ATP8B2: variants seen among roughly 807,000 people sequenced by gnomAD.
ATP8B2 encodes phospholipid-transporting ATPase ID.
Under a neutral mutation model 133.4 loss-of-function variants are expected in ATP8B2, and 70 were observed. The ratio of observed to expected loss-of-function variants is 0.52; its 90% CI spans 0.43 to 0.64. The LOEUF (loss-of-function observed/expected upper bound fraction) is 0.64. Ranked by LOEUF, ATP8B2 falls within the 30% of genes least tolerant of loss-of-function variation. The pLI is 0.00. For synonymous variants in ATP8B2, 517 were observed against 589.5 expected, an observed-to-expected ratio of 0.88 and a Z score of 1.78; for missense variants, 1,101 against 1,535.7, an observed-to-expected ratio of 0.72 and a Z score of 4.73.
chr1:154,329,112 C>T (rs1685895376), intron 2 of ATP8B2: 1 of 1,228,994 alleles, frequency 8.1e-7, no homozygotes, highest in South Asian at 1.4e-5. Flanking sequence ...CTCCCGCACC[C>T]ATTATTTCCC....
chr1:154,334,812 A>G lies in ATP8B2; in HGVS notation c.837+221A>G, dbSNP rs901342581. Among the ~76,000 whole-genome samples, 1 of 152,146 alleles carries G rather than the reference A, an allele frequency of 6.6e-6. No homozygotes were observed. The highest frequency in any genetic ancestry group is 1.5e-5 in the Non-Finnish European group (1 of 68,024). On this transcript the variant is annotated intron_variant, in intron 11 of 27. Coordinates refer to ENST00000368489, the MANE Select transcript of ATP8B2 (RefSeq NM_001370597.1). The surrounding 1 kb of genome is among the most constrained non-coding windows in gnomAD (Gnocchi z 4.6). ...GTGCATGAATCAACAACTTAAAGCT[A>G]AAACAAATCATCCCTTCTCTGATTC...
At chr1:154,341,273 C>T in intron 13 of ATP8B2, 1 of 632,494 alleles carries the variant, frequency 1.6e-6, no homozygotes, top group Non-Finnish European at 2.8e-6. Flanking sequence ...TTGCTCGAGC[C>T]CAGGAATGCG....
In ATP8B2 at chr1:154,346,907, G is replaced by A. The variant is rs1686603980; in HGVS notation, c.3163+149G>A. ...TTTATTTATTTATTTTCGAGAAGGA[G>A]TCTTGCCCAGGCTGGAGTGCAGTGG... On this transcript the variant is annotated intron_variant, in intron 26 of 27. Coordinates refer to ENST00000368489, the MANE Select transcript of ATP8B2 (RefSeq NM_001370597.1). This position sits in a 1 kb window ranked among gnomAD's most constrained non-coding sequence, Gnocchi z 4.5. The A allele has an allele frequency of 2.9e-6, 3 of 1,022,630 alleles. No homozygotes were observed. The highest frequency in any genetic ancestry group is 4.0e-6 in the Non-Finnish European group (3 of 751,884). The allele number at this position is 1,022,630 out of a possible 1,614,324, so 63.3% of individuals were successfully genotyped here.
Position 154,342,955 on chromosome 1 carries a change from A to G in ATP8B2, c.1447A>G (p.Asn483Asp). Reference protein sequence around the residue: ...LCHTVMSEEKNEGELYYKAQS... With the variant: ...LCHTVMSEEKDEGELYYKAQS... ...TCATACTGTCATGTCAGAAGAAAAG[A>G]ACGAAGGTGGGCCGAGGAGCCGGCT... Residue 483 changes from asparagine to aspartate, a missense_variant, in exon 15 of 28, where the codon AAC becomes GAC. Physicochemically the swap from Asn to Asp is conservative, Grantham distance 23 (BLOSUM62 1). Coordinates refer to ENST00000368489, the MANE Select transcript of ATP8B2 (RefSeq NM_001370597.1). 6.2e-7 allele frequency: 1 copy of G among 1,614,032 alleles called. No individual in the cohort carries two copies. The highest frequency in any genetic ancestry group is 8.5e-7 in the Non-Finnish European group (1 of 1,179,972).
At chr1:154,327,922 G>A in intron 1 of ATP8B2, 183 bp from the exon 2 acceptor site, 2 of 1,572,046 alleles carry the variant, frequency 1.3e-6, no homozygotes, top group Non-Finnish European at 1.8e-6. Flanking sequence ...ATGATGGGAG[G>A]TGGTGGGGAA....
Position 154,343,084 on chromosome 1 carries a change from T to C in ATP8B2, c.1454-29T>C, listed in dbSNP as rs1414289197. The C allele has an allele frequency of 1.9e-6, 3 of 1,604,086 alleles. No individual in the cohort carries two copies. The highest frequency in any genetic ancestry group is 1.1e-5 in the South Asian group (1 of 89,772). On this transcript the variant is annotated intron_variant, in intron 15 of 27. Coordinates refer to ENST00000368489, the MANE Select transcript of ATP8B2 (RefSeq NM_001370597.1). The surrounding 1 kb of genome is among the most constrained non-coding windows in gnomAD (Gnocchi z 5.8). ...GCACGTGGCTGAGGGAAGCCACTTA[T>C]ATCACGTGTATTCTTCCTCCCCACC...
chr1:154,346,642 G>C lies in ATP8B2; in HGVS notation c.3047G>C (p.Trp1016Ser). 6.2e-7 allele frequency: 1 copy of C among 1,614,194 alleles called. No individual in the cohort carries two copies. The highest frequency in any genetic ancestry group is 1.3e-5 in the African/African-American group (1 of 75,040). The part of the protein sequence containing the change: ...SVQIGLDTGY[W>S]TAINHFFIWG... ...CAGATTGGGCTCGACACAGGCTACT[G>C]GACGGCCATCAACCACTTCTTCATC... Residue 1016 changes from tryptophan to serine, a missense_variant, in exon 26 of 28, where the codon TGG (tryptophan) becomes TCG (serine). By Grantham distance (177) the Trp-to-Ser change is radical. Coordinates refer to ENST00000368489, the MANE Select transcript of ATP8B2 (RefSeq NM_001370597.1). This position sits in a 1 kb window ranked among gnomAD's most constrained non-coding sequence, Gnocchi z 4.5.
rs751467371 is a variant in ATP8B2 at position 154,343,619 on chromosome 1, G to C, written c.1758+51G>C. ...GCCTGGGGGGTTCTACTCTTAGTGT[G>C]GGGGAGGCGACTTAAGTTTGTTTTA... On this transcript the variant is annotated intron_variant, in intron 17 of 27. Coordinates refer to ENST00000368489, the MANE Select transcript of ATP8B2 (RefSeq NM_001370597.1). This position sits in a 1 kb window ranked among gnomAD's most constrained non-coding sequence, Gnocchi z 5.8. 6.5e-7 allele frequency: 1 copy of C among 1,532,558 alleles called. No individual in the cohort carries two copies. The highest frequency in any genetic ancestry group is 9.0e-7 in the Non-Finnish European group (1 of 1,107,832). The allele number at this position is 1,532,558 out of a possible 1,614,324, so 94.9% of individuals were successfully genotyped here. A position where few individuals can be genotyped will look rare whatever the true frequency, so the allele number is the denominator to read the frequency against.
intron 1 of ATP8B2, among the ~76,000 whole-genome samples, chr1:154,326,565 T>A (rs1685798660): frequency 6.6e-6 from 1 of 152,050 alleles, no homozygotes; most frequent in African/African-American, 2.4e-5. Context: ...AGTTCCCAGG[T>A]CTCTCCTCTC....
chr1:154,340,764 C>T lies in ATP8B2; in HGVS notation c.1035-90C>T, dbSNP rs1686352590. 2 of 1,251,758 alleles carry T rather than the reference C, an allele frequency of 1.6e-6. No individual in the cohort carries two copies. Among genetic ancestry groups the T allele is most frequent in the Non-Finnish European group, 2.3e-6 (2 of 864,736 alleles). The allele number at this position is 1,251,758 out of a possible 1,614,324, so 77.5% of individuals were successfully genotyped here. On this transcript the variant is annotated intron_variant, in intron 12 of 27. Transcript: ENST00000368489. The surrounding 1 kb of genome is among the most constrained non-coding windows in gnomAD (Gnocchi z 4.0). ...GGTGTCTTCTCCGTTCTTGTCTCTC[C>T]CCAGGCGGAGGGCCTGCAGCGAAGG...
rs74115739 is a variant in ATP8B2 at position 154,326,448 on chromosome 1, G to C, written c.-38+746G>C. Reference sequence around the variant, plus strand: ...ATTTTTATCCCAAATGTGGCCGAGAGGGGGCTGGGGCTGGGTGACGGGGCA... The same window carrying C: ...ATTTTTATCCCAAATGTGGCCGAGACGGGGCTGGGGCTGGGTGACGGGGCA... On this transcript the variant is annotated intron_variant, in intron 1 of 27. Coordinates refer to ENST00000368489, the MANE Select transcript of ATP8B2 (RefSeq NM_001370597.1). Among the ~76,000 whole-genome samples the C allele has an allele frequency of 7.2e-5, 11 of 152,308 alleles. 1 individual carries two copies. In the East Asian group the frequency reaches 1.2e-3, roughly 16 times the overall value.
rs780301945 is a variant in ATP8B2 at position 154,345,529 on chromosome 1, G to C, written c.2678G>C (p.Cys893Ser). ...TMVHFWFGFF[C>S]GFSAQTVYDQ... Reference sequence around the variant, plus strand: ...GTCCACTTCTGGTTTGGCTTCTTCTGTGGCTTCTCAGCCCAGGTAATAAAT... The same window carrying C: ...GTCCACTTCTGGTTTGGCTTCTTCTCTGGCTTCTCAGCCCAGGTAATAAAT... The change falls in exon 23 of 28, where the codon TGT (cysteine) becomes TCT (serine). Residue 893 changes from cysteine to serine, a missense_variant. Physicochemically the swap from Cys to Ser is moderately radical, Grantham distance 112. Transcript: ENST00000368489. This position sits in a 1 kb window ranked among gnomAD's most constrained non-coding sequence, Gnocchi z 5.6. 6.2e-7 allele frequency: 1 copy of C among 1,612,954 alleles called. No homozygotes were observed. The highest frequency in any genetic ancestry group is 8.5e-7 in the Non-Finnish European group (1 of 1,179,534).
chr1:154,327,232 C>G (rs1242442128), intron 1 of ATP8B2, among the ~76,000 whole-genome samples: 2 of 152,154 alleles, frequency 1.3e-5, no homozygotes, highest in Non-Finnish European at 2.9e-5. Flanking sequence ...TCCACCCAGA[C>G]AAGGAAAGAG....
chr1:154,348,768 T>C, intron 27 of ATP8B2, 72 bp from the exon 28 acceptor site: 1 of 1,478,982 alleles, frequency 6.8e-7, no homozygotes, highest in Non-Finnish European at 9.0e-7. Flanking sequence ...CCGGGTGCTG[T>C]GGGTCCCTTC....
At position 154,328,814 on chromosome 1, in the gene ATP8B2, C is replaced by A. The variant is rs1685882192; in HGVS notation, c.31+642C>A. The A allele has an allele frequency of 1.9e-6, 2 of 1,035,368 alleles. No homozygotes were observed. The highest frequency in any genetic ancestry group is 2.3e-6 in the Non-Finnish European group (2 of 861,822). 64.1% of individuals were successfully genotyped at this position (1,035,368 alleles called of 1,614,324 possible). Reference sequence around the variant, plus strand: ...GGCGCAGCTGAGCTCGCGGTGTCCCCGAGCGCCGGCGGCCGGGAGGATGGC... The same window carrying A: ...GGCGCAGCTGAGCTCGCGGTGTCCCAGAGCGCCGGCGGCCGGGAGGATGGC... On this transcript the variant is annotated intron_variant, in intron 2 of 27. Coordinates refer to ENST00000368489, the MANE Select transcript of ATP8B2 (RefSeq NM_001370597.1). This position sits in a 1 kb window ranked among gnomAD's most constrained non-coding sequence, Gnocchi z 4.6.
In ATP8B2 at chr1:154,340,740, G is replaced by A; in HGVS notation, c.1035-114G>A. 1.0e-6 allele frequency: 1 copy of A among 981,186 alleles called. No homozygotes were observed. The highest frequency in any genetic ancestry group is 2.4e-5 in the East Asian group (1 of 41,618). 60.8% of individuals were successfully genotyped at this position (981,186 alleles called of 1,614,324 possible). A position where few individuals can be genotyped will look rare whatever the true frequency, so the allele number is the denominator to read the frequency against. On this transcript the variant is annotated intron_variant, in intron 12 of 27. Transcript: ENST00000368489. This position sits in a 1 kb window ranked among gnomAD's most constrained non-coding sequence, Gnocchi z 4.0. Reference sequence around the variant, plus strand: ...TTCCCACCCAGGTTTCTGTGCCCAGGTGTCTTCTCCGTTCTTGTCTCTCCC... The same window carrying A: ...TTCCCACCCAGGTTTCTGTGCCCAGATGTCTTCTCCGTTCTTGTCTCTCCC...
In ATP8B2 at chr1:154,336,300, T is replaced by G. The variant is rs143775247; in HGVS notation, c.838-1048T>G. On this transcript the variant is annotated intron_variant, in intron 11 of 27. Transcript: ENST00000368489. Reference sequence around the variant, plus strand: ...GTCAGACAGAAGGCCACATGATAATTGGTGACAGACTAGAACCTGTCACCA... The same window carrying G: ...GTCAGACAGAAGGCCACATGATAATGGGTGACAGACTAGAACCTGTCACCA... Among the ~76,000 whole-genome samples the G allele has an allele frequency of 4.2e-3, 639 of 152,224 alleles. 5 individuals carry two copies. The highest frequency in any genetic ancestry group is 0.015 in the African/African-American group (610 of 41,514).
rs373032462 is a variant in ATP8B2, at chr1:154,343,552, C to T, written c.1742C>T (p.Thr581Ile). ...HHSTQELLNT[T>I]MDHLNEYAGE... is the part of the protein sequence containing the mutation. The stretch of plus-strand genomic sequence containing the variant: ...TCCACTCAAGAGCTGCTCAACACCA[C>T]CATGGACCACCTTAATGTGGGTGTG... Residue 581 changes from threonine (T) to isoleucine (I), a missense_variant, in exon 17 of 28, where the codon ACC (threonine) becomes ATC (isoleucine). Thr to Ile is a moderately conservative substitution (Grantham distance 89). Transcript: ENST00000368489. This position sits in a 1 kb window ranked among gnomAD's most constrained non-coding sequence, Gnocchi z 5.8. 9.2e-5 allele frequency: 149 copies of T among 1,614,048 alleles called. No homozygotes were observed. The highest frequency in any genetic ancestry group is 1.2e-4 in the Non-Finnish European group (140 of 1,179,974).
At position 154,343,956 on chromosome 1, in the gene ATP8B2, TACG is replaced by T; in HGVS notation, c.1824_1826del (p.Tyr608_Glu609delinsTer). The T allele has an allele frequency of 1.9e-6, 3 of 1,613,854 alleles. No homozygotes were observed. Among genetic ancestry groups the T allele is most frequent in the Non-Finnish European group, 2.5e-6 (3 of 1,179,866 alleles). On this transcript the variant is annotated stop_gained and inframe_deletion, in exon 18 of 28. Coordinates refer to ENST00000368489, the MANE Select transcript of ATP8B2 (RefSeq NM_001370597.1). LOFTEE classifies it high-confidence loss of function. The surrounding 1 kb of genome is among the most constrained non-coding windows in gnomAD (Gnocchi z 5.8). The stretch of plus-strand genomic sequence containing the variant: ...CTACAAGGATCTGGATGAAGAGTAC[TACG>T]AGGAGTGGGCTGAGCGACGCCTCCA...
Sources: allele counts gnomAD v4.1 joint callset (sites outside exome capture counted in the v4.1 genomes callset), GRCh38; gene constraint gnomAD v4.1.1; non-coding constraint Gnocchi (gnomAD v3.1); transcripts MANE v1.5; gene names NCBI Gene and HGNC (gene_info 2026-07-23, HGNC 2026-07-21).